Variants in SLC1A7 observed in about 807,000 individuals in gnomAD.
The protein encoded by SLC1A7 is excitatory amino acid transporter 5.
Under a neutral mutation model 47.7 loss-of-function variants are expected in SLC1A7, and 40 were observed. The observed-to-expected ratio is 0.84, with a 90% CI of 0.65 to 1.09. SLC1A7 has a LOEUF of 1.09. SLC1A7 is among the 50% of genes least tolerant of loss of function. The pLI is 0.00. For synonymous variants in SLC1A7, 323 were observed against 325.6 expected (o/e 0.99, Z 0.09); for missense variants, 746 against 769.5 (o/e 0.97, Z 0.36).
chr1:53,142,161 A>G (rs1645064559), intron 1 of SLC1A7, among the ~76,000 whole-genome samples, 154 bp downstream of exon 1: 2 of 152,144 alleles, frequency 1.3e-5, no homozygotes, highest in African/African-American at 4.8e-5. Context: ...TATCACACCC[A>G]TGTTACAGAT....
intron 6 of SLC1A7, 83 bp downstream of exon 6, chr1:53,093,378 T>C: frequency 8.9e-7 from 1 of 1,118,600 alleles, no homozygotes. Flanking sequence ...CTGCTCACTT[T>C]ACGGGAGAAG....
chr1:53,133,823 C>T (rs1644964427), intron 2 of SLC1A7, among the ~76,000 whole-genome samples: 1 of 148,190 alleles, frequency 6.7e-6, no homozygotes, highest in Admixed American at 6.8e-5. Flanking sequence ...GCCCTTGTCC[C>T]CAAGTCCCAA....
chr1:53,088,855 CT>C, intron 10 of SLC1A7, 21 bp downstream of exon 10: 1 of 1,597,412 alleles, frequency 6.3e-7, no homozygotes, highest in East Asian at 2.2e-5. Flanking sequence ...TCCTGGCAGC[CT>C]CTGGATCTCA....
chr1:53,139,445 C>T (rs1490237521), intron 1 of SLC1A7, among the ~76,000 whole-genome samples: 1 of 152,226 alleles, frequency 6.6e-6, no homozygotes, highest in African/African-American at 2.4e-5. Flanking sequence ...ACAGGGGTGG[C>T]CCAATACCCT....
intron 5 of SLC1A7, among the ~76,000 whole-genome samples, chr1:53,100,920 T>C (rs1049132051): frequency 6.6e-6 from 1 of 150,608 alleles, no homozygotes; most frequent in African/African-American, 2.5e-5. Context: ...ACACCCCACC[T>C]CAGTCCACTC....
At chr1:53,091,972 C>T (rs12089128) in intron 7 of SLC1A7, among the ~76,000 whole-genome samples, 12,809 of 152,300 alleles carry the variant, frequency 0.084, 1,086 homozygotes, top group East Asian at 0.26. Flanking sequence ...AGTGCTGGTT[C>T]ACCTGGCCCA....
chr1:53,129,622 AGCTC>A, intron 2 of SLC1A7, among the ~76,000 whole-genome samples: 1 of 140,840 alleles, frequency 7.1e-6, no homozygotes, highest in Non-Finnish European at 1.6e-5. Flanking sequence ...GACTGAACTC[AGCTC>A]CAACCCCGCT....
rs71044460 is a variant in SLC1A7, at chr1:53,137,299, A to AAAAAAAAAG, written c.136-2871_136-2870insCTTTTTTTT. 1.1e-4 allele frequency among the ~76,000 whole-genome samples: 15 copies of AAAAAAAAAG among 139,756 alleles called. 4 individuals are homozygous for AAAAAAAAAG. Among genetic ancestry groups the AAAAAAAAAG allele is most frequent in the East Asian group, 4.2e-4 (2 of 4,744 alleles). The allele number at this position is 139,756 out of a possible 152,430, so 91.7% of individuals were successfully genotyped here. A position where few individuals can be genotyped will look rare whatever the true frequency, so the allele number is the denominator to read the frequency against. On this transcript the variant is annotated intron_variant, in intron 1 of 10. Transcript: ENST00000371494. Reference sequence around the variant, plus strand: ...GAGACGCTATCTCCAAAAAAAAAAAAGTGCTCTACTGATAAAAAGGCAGCT... The same window carrying AAAAAAAAAG: ...GAGACGCTATCTCCAAAAAAAAAAAAAAAAAAAAGGTGCTCTACTGATAAAAAGGCAGCT...
intron 2 of SLC1A7, among the ~76,000 whole-genome samples, chr1:53,119,450 A>G (rs1237860656): frequency 6.6e-6 from 1 of 152,172 alleles, no homozygotes; most frequent in Non-Finnish European, 1.5e-5. Flanking sequence ...CTAGGCTCAA[A>G]TGATTCTCTC....
chr1:53,099,128 C>T (rs1398457826), intron 5 of SLC1A7, among the ~76,000 whole-genome samples: 1 of 145,010 alleles, frequency 6.9e-6, no homozygotes, highest in Non-Finnish European at 1.5e-5. Context: ...TCACACATAC[C>T]ATCTCGGTAC....
chr1:53,100,189 C>A (rs1363488056), intron 5 of SLC1A7, among the ~76,000 whole-genome samples: 3 of 94,820 alleles, frequency 3.2e-5, no homozygotes, highest in Non-Finnish European at 7.1e-5. Context: ...ATTCACACAC[C>A]CCACCTTGGT....
intron 5 of SLC1A7, among the ~76,000 whole-genome samples, chr1:53,100,528 G>GCACACCCAACCTTGGTATACTCA (rs369860990): frequency 0.021 from 2,843 of 133,716 alleles, 93 homozygotes; most frequent in African/African-American, 0.078. Flanking sequence ...CGGTACACTC[G>GCACACCCAACCTTGGTATACTCA]CACACCCAAC....
intron 3 of SLC1A7, among the ~76,000 whole-genome samples, chr1:53,106,139 T>A (rs1469517669): frequency 1.3e-5 from 2 of 151,514 alleles, no homozygotes; most frequent in Admixed American, 6.6e-5. Flanking sequence ...TGTAGGTCGC[T>A]GCTGCTCCGC....
At chr1:53,122,715 C>T (rs1405045902) in intron 2 of SLC1A7, among the ~76,000 whole-genome samples, 1 of 152,138 alleles carries the variant, frequency 6.6e-6, no homozygotes, top group African/African-American at 2.4e-5. Flanking sequence ...ACCACCTCTG[C>T]TTGCATATCT....
At chr1:53,119,148 T>C (rs994469406) in intron 2 of SLC1A7, among the ~76,000 whole-genome samples, 1 of 152,116 alleles carries the variant, frequency 6.6e-6, no homozygotes, top group Admixed American at 6.6e-5. Context: ...TAGTTCTGAG[T>C]TACAGATGGG....
intron 7 of SLC1A7, 53 bp downstream of exon 7, chr1:53,092,501 A>G: frequency 7.6e-7 from 1 of 1,318,982 alleles, no homozygotes. Flanking sequence ...GGACAGACGG[A>G]CAGGGCTCAG....
chr1:53,094,927 G>T (rs1011695020), intron 5 of SLC1A7, among the ~76,000 whole-genome samples: 8 of 152,248 alleles, frequency 5.3e-5, no homozygotes, highest in African/African-American at 1.9e-4. Context: ...GGTGGGGAAA[G>T]GAGGCTGGGT....
intron 3 of SLC1A7, among the ~76,000 whole-genome samples, chr1:53,106,429 C>G (rs1169277772): frequency 1.3e-5 from 2 of 151,480 alleles, no homozygotes; most frequent in African/African-American, 4.9e-5. Context: ...ACGGTGAAAC[C>G]CCGTCTCTAC....
intron 5 of SLC1A7, among the ~76,000 whole-genome samples, chr1:53,098,508 T>G (rs545215681): frequency 1.2e-4 from 17 of 142,572 alleles, no homozygotes; most frequent in African/African-American, 4.3e-4. Flanking sequence ...ACACTCAAAC[T>G]GCCTCAGAAC....
Sources: allele counts gnomAD v4.1 joint callset (sites outside exome capture counted in the v4.1 genomes callset), GRCh38; gene constraint gnomAD v4.1.1; transcripts MANE v1.5; gene names NCBI Gene and HGNC (gene_info 2026-07-23, HGNC 2026-07-21).